Variants in CLEC12A observed in about 807,000 individuals in gnomAD.
The protein encoded by CLEC12A is C-type lectin protein CLL-1.
CLEC12A carries 22 observed loss-of-function variants against 26.5 expected under a neutral mutation model. The observed-to-expected ratio is 0.83, with a 90% CI of 0.59 to 1.19. The LOEUF is 1.19. Among genes scored for constraint, CLEC12A ranks in the 50% most tolerant of loss-of-function variants. The pLI is 0.00. For missense variants in CLEC12A, 353 were observed against 315.6 expected (o/e 1.12, Z -0.90); for synonymous variants, 119 against 101.9 (o/e 1.17, Z -1.01).
intron 4 of CLEC12A, 111 bp downstream of exon 4, chr12:9,980,844 T>A (rs1330022603): frequency 1.3e-5 from 14 of 1,111,964 alleles, no homozygotes; most frequent in Non-Finnish European, 1.7e-5. Flanking sequence ...GGGTGTGAAG[T>A]GACTGAAACT....
the CLEC12A span, among the ~76,000 whole-genome samples, chr12:10,003,669 GT>G: frequency 6.6e-6 from 1 of 152,140 alleles, no homozygotes; most frequent in East Asian, 1.9e-4. Context: ...ATCCCAACAC[GT>G]TGGGAGGCCA....
At chr12:9,952,305 C>T (rs1365201976) in intron 1 of CLEC12A, among the ~76,000 whole-genome samples, 1 of 150,558 alleles carries the variant, frequency 6.6e-6, no homozygotes, top group Non-Finnish European at 1.5e-5. Flanking sequence ...CCTGCCTCAG[C>T]CTGCCGAGTG....
upstream of CLEC12A, among the ~76,000 whole-genome samples, chr12:9,970,097 T>C (rs1591820737): frequency 2.6e-5 from 4 of 152,362 alleles, no homozygotes; most frequent in South Asian, 2.1e-4. Flanking sequence ...AATAGCTTTT[T>C]CTTTATCAGG....
chr12:9,993,353 C>T (rs17734335), intron 4 of CLEC12A: 41,152 of 1,246,914 alleles, frequency 0.033, 749 homozygotes, highest in Non-Finnish European at 0.039. Flanking sequence ...TCAGACTCTG[C>T]GTATAGTAGT....
rs573942214 is a variant in CLEC12A at position 9,994,118 on chromosome 12, T to C, written n.1005-900T>C. ...CTAATTTAGTTTGGGTAGAGTTAGG[T>C]TCACTGAAGAAGTGATGTTTAAATA... On this transcript the variant is annotated intron_variant and non_coding_transcript_variant, in intron 4 of 4. Coordinates refer to the CLEC12A transcript ENST00000449959. Among the ~76,000 whole-genome samples the C allele has an allele frequency of 3.9e-5, 6 of 152,178 alleles. No homozygotes were observed. In the East Asian group the frequency reaches 1.2e-3, roughly 29 times the overall value.
chr12:10,004,733 G>A, the CLEC12A span, among the ~76,000 whole-genome samples: 12 of 152,096 alleles, frequency 7.9e-5, no homozygotes, highest in African/African-American at 1.2e-4. Flanking sequence ...GCTTAAGGGT[G>A]GGGCACGTGC....
At chr12:9,996,689 T>C, downstream of CLEC12A, 2 of 767,796 alleles carry the variant, frequency 2.6e-6, no homozygotes, top group Non-Finnish European at 4.5e-6. Context: ...GGATTGAATA[T>C]CTGGGTTCTG....
chr12:9,958,486 CT>C (rs1485187031), intron 1 of CLEC12A, among the ~76,000 whole-genome samples: 1 of 152,174 alleles, frequency 6.6e-6, no homozygotes, highest in African/African-American at 2.4e-5. Context: ...GGGGGACTGG[CT>C]TTATAATGAT....
Position 9,984,942 on chromosome 12 carries a change from T to C in CLEC12A, c.714T>C (p.Tyr238=). ...GYINRLYVQY[Y]HCTYKKRMIC... is the part of the protein sequence containing the mutation. ...TAAATAGACTATATGTTCAATATTA[T>C]CACTGCACTTATAAAAAAAGAATGA... is the stretch of plus-strand genomic sequence containing the variant. Residue 238 remains tyrosine, a synonymous_variant, in exon 6 of 6, where the codon TAT becomes TAC. Transcript: ENST00000304361. 6.3e-7 allele frequency: 1 copy of C among 1,578,458 alleles called. No individual in the cohort carries two copies. The highest frequency in any genetic ancestry group is 1.3e-5 in the African/African-American group (1 of 74,130).
downstream of CLEC12A, chr12:9,997,235 T>C (rs1230571774): frequency 4.3e-6 from 7 of 1,613,640 alleles, no homozygotes; most frequent in Admixed American, 5.0e-5. Context: ...AGAGTTCCTG[T>C]GCGATTTTCA....
At chr12:9,993,786 TA>T (rs1233936791) in intron 4 of CLEC12A, among the ~76,000 whole-genome samples, 2 of 152,158 alleles carry the variant, frequency 1.3e-5, no homozygotes, top group Non-Finnish European at 2.9e-5. Flanking sequence ...GGCTGTATTG[TA>T]ATTGTCTGTT....
At chr12:9,996,872 G>A, downstream of CLEC12A, 7 of 1,614,032 alleles carry the variant, frequency 4.3e-6, no homozygotes, top group Non-Finnish European at 5.9e-6. Context: ...TCAATCTTCA[G>A]GAGAGTAGCA....
At chr12:10,003,938 AAGCAG>A in the CLEC12A span, among the ~76,000 whole-genome samples, 18 of 152,130 alleles carry the variant, frequency 1.2e-4, no homozygotes, top group African/African-American at 4.3e-4. Context: ...AATAAAAAAT[AAGCAG>A]TACCATCTAA....
chr12:9,980,601 T>C lies in CLEC12A; in HGVS notation c.399T>C (p.Cys133=). Residue 133 remains cysteine, a synonymous_variant, in exon 4 of 6, where the codon TGT becomes TGC. Transcript: ENST00000304361. The part of the protein sequence containing the change: ...SKEQEHKCKP[C]PRRWIWHKDS... The stretch of plus-strand genomic sequence containing the variant: ...TTCCAGAGCACAAATGTAAGCCTTG[T>C]CCAAGGAGATGGATTTGGCATAAGG... 2.5e-6 allele frequency: 4 copies of C among 1,613,752 alleles called. No homozygotes were observed. Among genetic ancestry groups the C allele is most frequent in the Non-Finnish European group, 3.4e-6 (4 of 1,179,766 alleles).
downstream of CLEC12A, among the ~76,000 whole-genome samples, chr12:9,986,344 G>A (rs1299426134): frequency 2.7e-4 from 32 of 119,048 alleles, no homozygotes; most frequent in Non-Finnish European, 2.5e-4. Context: ...AGTCTCCACT[G>A]AAAAAAAAAA....
chr12:9,972,572 CAG>C (rs1864171307), intron 1 of CLEC12A, among the ~76,000 whole-genome samples: 1 of 152,032 alleles, frequency 6.6e-6, no homozygotes, highest in Non-Finnish European at 1.5e-5. Context: ...GTGATAGAAA[CAG>C]AAAAATAAGG....
chr12:9,979,795 C>G (rs1475081505), intron 3 of CLEC12A, among the ~76,000 whole-genome samples: 1 of 152,136 alleles, frequency 6.6e-6, no homozygotes, highest in East Asian at 1.9e-4. Flanking sequence ...TAATCTGTCA[C>G]TTACTATAAT....
At chr12:9,967,317 G>C (rs1428712343), upstream of CLEC12A, among the ~76,000 whole-genome samples, 1 of 152,084 alleles carries the variant, frequency 6.6e-6, no homozygotes, top group African/African-American at 2.4e-5. Flanking sequence ...TGGACGTCAG[G>C]CACCTCAGAC....
In CLEC12A at chr12:9,993,338, A is replaced by C. The variant is rs12301036; in HGVS notation, n.1005-1680A>C. 461 of 1,468,896 alleles carry C rather than the reference A, an allele frequency of 3.1e-4. 2 individuals carry two copies. In the African/African-American group the frequency reaches 5.8e-3, roughly 19 times the overall value. 91.0% of individuals were successfully genotyped at this position (1,468,896 alleles called of 1,614,324 possible). ...TCCTTTGAAAACTGAGCAAACAATCAGTAATCAGACTCTGCGTATAGTAGT... is the reference window on the plus strand; with the variant it reads ...TCCTTTGAAAACTGAGCAAACAATCCGTAATCAGACTCTGCGTATAGTAGT... On this transcript the variant is annotated intron_variant and non_coding_transcript_variant, in intron 4 of 4. Coordinates refer to the CLEC12A transcript ENST00000449959.
Sources: allele counts gnomAD v4.1 joint callset (sites outside exome capture counted in the v4.1 genomes callset), GRCh38; gene constraint gnomAD v4.1.1; transcripts MANE v1.5; gene names NCBI Gene and HGNC (gene_info 2026-07-23, HGNC 2026-07-21).